POFUT3: variants seen among roughly 807,000 people sequenced by gnomAD.
POFUT3 encodes protein O-fucosyltransferase 3, also known as GDP-fucose protein O-fucosyltransferase 3.
the POFUT3 span, among the ~76,000 whole-genome samples, chr8:33,375,523 C>T: frequency 7.2e-5 from 11 of 152,002 alleles, no homozygotes; most frequent in African/African-American, 2.4e-4. Context: ...AAACAATCAA[C>T]AAAGACTGAA....
chr8:33,448,511 T>C, the POFUT3 span, among the ~76,000 whole-genome samples: 1 of 152,124 alleles, frequency 6.6e-6, no homozygotes, highest in South Asian at 2.1e-4. Context: ...GGTTCTCCAC[T>C]GGTGTACTGC....
At chr8:33,389,818 T>C in the POFUT3 span, 2 of 1,459,398 alleles carry the variant, frequency 1.4e-6, no homozygotes, top group South Asian at 1.2e-5. Context: ...GAAAATGAGA[T>C]ATTAATTAGT....
At chr8:33,458,721 AAAAAAC>A in the POFUT3 span, among the ~76,000 whole-genome samples, 1 of 152,090 alleles carries the variant, frequency 6.6e-6, no homozygotes, top group Non-Finnish European at 1.5e-5. Flanking sequence ...CTCAAAAAAC[AAAAAAC>A]AAAAACAAAA....
the POFUT3 span, among the ~76,000 whole-genome samples, chr8:33,349,386 GACC>G: frequency 6.6e-6 from 1 of 152,140 alleles, no homozygotes; most frequent in Non-Finnish European, 1.5e-5. Flanking sequence ...CCCATCACCT[GACC>G]AGCGTACGCT....
chr8:33,438,904 A>G, the POFUT3 span, among the ~76,000 whole-genome samples: 1 of 152,150 alleles, frequency 6.6e-6, no homozygotes, highest in East Asian at 1.9e-4. Flanking sequence ...CTATGACTCA[A>G]TTATCTCCCA....
chr8:33,327,995 T>C, the POFUT3 span, among the ~76,000 whole-genome samples: 3 of 152,204 alleles, frequency 2.0e-5, no homozygotes, highest in South Asian at 4.1e-4. Context: ...GGCCACTCAA[T>C]AGGGCATTCT....
chr8:33,424,822 G>C, the POFUT3 span, among the ~76,000 whole-genome samples: 1 of 152,106 alleles, frequency 6.6e-6, no homozygotes, highest in Non-Finnish European at 1.5e-5. Context: ...AAATGGAACA[G>C]GCCACTGCTC....
At chr8:33,317,646 C>T in the POFUT3 span, among the ~76,000 whole-genome samples, 1 of 152,104 alleles carries the variant, frequency 6.6e-6, no homozygotes, top group Non-Finnish European at 1.5e-5. Context: ...GAGGTCAGCT[C>T]TCAAGTGTGA....
At chr8:33,452,364 C>T in the POFUT3 span, 1 of 152,032 alleles carries the variant, frequency 6.6e-6, no homozygotes, top group Non-Finnish European at 1.5e-5. Flanking sequence ...TTCTATATTA[C>T]ACTTATTTAA....
chr8:33,371,789 G>A, the POFUT3 span: 1 of 152,186 alleles, frequency 6.6e-6, no homozygotes, highest in East Asian at 1.9e-4. Context: ...GGAGTTCCTG[G>A]GGGTATTCAC....
At chr8:33,338,766 C>G in the POFUT3 span, 1 of 152,066 alleles carries the variant, frequency 6.6e-6, no homozygotes, top group Non-Finnish European at 1.5e-5. Flanking sequence ...ATTTCACCTC[C>G]AATTGGCAGA....
the POFUT3 span, among the ~76,000 whole-genome samples, chr8:33,358,017 C>T: frequency 7.9e-5 from 12 of 152,152 alleles, no homozygotes; most frequent in African/African-American, 7.2e-5. Flanking sequence ...GAGGCCAAGG[C>T]GGGCAGATCA....
chr8:33,331,088 C>G, the POFUT3 span, among the ~76,000 whole-genome samples: 1 of 151,916 alleles, frequency 6.6e-6, no homozygotes, highest in Non-Finnish European at 1.5e-5. Flanking sequence ...GCTTGTAATC[C>G]CAGCACTTTG....
the POFUT3 span, among the ~76,000 whole-genome samples, chr8:33,347,011 G>A: frequency 6.6e-6 from 1 of 152,128 alleles, no homozygotes; most frequent in Non-Finnish European, 1.5e-5. Context: ...TTAGGAATAT[G>A]GATCTCCAAA....
the POFUT3 span, among the ~76,000 whole-genome samples, chr8:33,329,879 A>G: frequency 5.3e-5 from 8 of 152,206 alleles, no homozygotes; most frequent in African/African-American, 1.4e-4. Flanking sequence ...TAATAAAACA[A>G]TAATATTCCT....
the POFUT3 span, among the ~76,000 whole-genome samples, chr8:33,325,671 T>A: frequency 2.6e-5 from 4 of 152,122 alleles, no homozygotes; most frequent in African/African-American, 7.2e-5. Context: ...GAATATCTCC[T>A]GGTCTGGATC....
chr8:33,425,996 C>G, the POFUT3 span, among the ~76,000 whole-genome samples: 1 of 152,038 alleles, frequency 6.6e-6, no homozygotes, highest in Admixed American at 6.6e-5. Context: ...CACCGCCTCC[C>G]GAGTTCAAGC....
the POFUT3 span, among the ~76,000 whole-genome samples, chr8:33,456,561 C>T: frequency 1.8e-4 from 27 of 151,340 alleles, no homozygotes; most frequent in African/African-American, 5.8e-4. Context: ...GGTTTCATCA[C>T]GTTGGCCCAA....
At chr8:33,308,400 T>C in the POFUT3 span, among the ~76,000 whole-genome samples, 1 of 152,180 alleles carries the variant, frequency 6.6e-6, no homozygotes, top group African/African-American at 2.4e-5. Context: ...AAGAATGCAG[T>C]CAGCTTTTCT....
Sources: gnomAD v4.1 joint callset for allele counts (sites outside exome capture counted in the v4.1 genomes callset) on GRCh38, gnomAD v4.1.1 for gene constraint, MANE v1.5 for transcripts, NCBI Gene and HGNC (gene_info 2026-07-23, HGNC 2026-07-21) for gene names.